SYNPR: variants seen among roughly 807,000 people sequenced by gnomAD.
SYNPR encodes the protein synaptoporin.
A neutral mutation model predicts 32.9 loss-of-function variants in SYNPR; 23 were observed. The ratio of observed to expected loss-of-function variants is 0.70; its 90% CI spans 0.50 to 0.99. The LOEUF is 0.99. Ranked by LOEUF, SYNPR falls within the 50% of genes least tolerant of loss-of-function variation. SYNPR has a pLI of 0.00. For missense variants in SYNPR, 318 were observed against 349.3 expected (o/e 0.91, Z 0.71); for synonymous variants, 146 against 135.9 (o/e 1.07, Z -0.52).
chr3:63,493,019 A>G (rs998535267), intron 3 of SYNPR, among the ~76,000 whole-genome samples: 9 of 152,232 alleles, frequency 5.9e-5, no homozygotes, highest in Admixed American at 5.9e-4. Flanking sequence ...TGCCTGCACC[A>G]TGGTCCCATT....
the SYNPR span, among the ~76,000 whole-genome samples, chr3:63,214,064 G>T: frequency 4.1e-5 from 2 of 48,466 alleles, 1 homozygote; most frequent in African/African-American, 1.3e-4. Flanking sequence ...AAGCCCACTT[G>T]ATCATGGTGG....
chr3:63,383,536 G>A (rs956029336), intron 2 of SYNPR, among the ~76,000 whole-genome samples: 4 of 152,240 alleles, frequency 2.6e-5, no homozygotes, highest in East Asian at 1.9e-4. Context: ...GGGCAACACA[G>A]TGAAACCCCA....
intron 2 of SYNPR, among the ~76,000 whole-genome samples, chr3:63,428,101 G>A (rs970577009): frequency 1.6e-4 from 25 of 152,118 alleles, no homozygotes; most frequent in African/African-American, 2.9e-4. Context: ...GAATTGCAGC[G>A]TTGTTTACAT....
chr3:63,441,882 C>A (rs1449110130), intron 2 of SYNPR, among the ~76,000 whole-genome samples: 1 of 152,130 alleles, frequency 6.6e-6, no homozygotes, highest in Non-Finnish European at 1.5e-5. Flanking sequence ...CACTGCCTTG[C>A]CCGTTGTTCA....
At chr3:63,515,228 A>G (rs923667464) in intron 3 of SYNPR, among the ~76,000 whole-genome samples, 2 of 151,972 alleles carry the variant, frequency 1.3e-5, no homozygotes, top group Non-Finnish European at 1.5e-5. Context: ...GATATATCAG[A>G]CTTTGCCCTA....
intron 2 of SYNPR, among the ~76,000 whole-genome samples, chr3:63,408,146 G>GAAAGAAAGAAAGA (rs1239269936): frequency 0.013 from 435 of 32,536 alleles, 52 homozygotes; most frequent in Non-Finnish European, 0.019. Context: ...AGAAAGAAAA[G>GAAAGAAAGAAAGA]AAAGAAAGAA....
chr3:63,549,535 G>A (rs1364506623), intron 3 of SYNPR, among the ~76,000 whole-genome samples: 2 of 152,130 alleles, frequency 1.3e-5, no homozygotes, highest in Admixed American at 6.6e-5. Context: ...AATGGTAACA[G>A]CAATCGTACC....
rs376967802 is a variant in SYNPR, at chr3:63,480,931, G to T, written c.184G>T (p.Asp62Tyr). ...VNKTESNLSI[D>Y]IAFAYPFRLH... is the part of the protein sequence containing the mutation. ...CAAGACAGAAAGTAACCTCAGCATC[G>T]ACATAGCGTTTGCCTACCCATTCAG... The change falls in exon 3 of 6, where the codon GAC (aspartate) becomes TAC (tyrosine). Residue 62 changes from aspartate to tyrosine, a missense_variant. Physicochemically the swap from Asp to Tyr is radical, Grantham distance 160 (BLOSUM62 -3). Coordinates refer to ENST00000478300, the MANE Select transcript of SYNPR (RefSeq NM_001130003.2). The T allele has an allele frequency of 1.2e-6, 2 of 1,612,898 alleles. No individual in the cohort carries two copies. Among genetic ancestry groups the T allele is most frequent in the South Asian group, 1.1e-5 (1 of 90,890 alleles).
At chr3:63,528,818 T>C (rs546156008) in intron 3 of SYNPR, among the ~76,000 whole-genome samples, 2 of 152,280 alleles carry the variant, frequency 1.3e-5, no homozygotes, top group African/African-American at 4.8e-5. Flanking sequence ...TGCCCAGAGT[T>C]TGGTGCAATT....
At chr3:63,250,515 C>A (rs907676477) in intron 1 of SYNPR, among the ~76,000 whole-genome samples, 2 of 152,074 alleles carry the variant, frequency 1.3e-5, no homozygotes, top group African/African-American at 4.8e-5. Context: ...GGAGAGAGCT[C>A]TTACGAGTCC....
chr3:63,536,408 C>T (rs1391026315), intron 3 of SYNPR, among the ~76,000 whole-genome samples: 1 of 152,136 alleles, frequency 6.6e-6, no homozygotes, highest in Non-Finnish European at 1.5e-5. Context: ...ATCAAAACTA[C>T]ACTATTTCAG....
At chr3:63,334,956 C>A (rs2087269882) in intron 2 of SYNPR, among the ~76,000 whole-genome samples, 1 of 152,154 alleles carries the variant, frequency 6.6e-6, no homozygotes, top group Non-Finnish European at 1.5e-5. Flanking sequence ...ATGCACCCTG[C>A]ACTGTGTGGT....
In SYNPR at chr3:63,531,340, T is replaced by A. The variant is rs185151775; in HGVS notation, c.210-25203T>A. Among the ~76,000 whole-genome samples, 280 of 151,482 alleles carry A rather than the reference T, an allele frequency of 1.8e-3. 1 individual carries two copies. The highest frequency in any genetic ancestry group is 3.6e-3 in the Admixed American group (55 of 15,212). The stretch of plus-strand genomic sequence containing the variant: ...GCTCCCTCTAAAACTTATAGGGGAG[T>A]CATTCCTTGCTTCTTCCTGGTTTTG... On this transcript the variant is annotated intron_variant, in intron 3 of 5. Coordinates refer to ENST00000478300, the MANE Select transcript of SYNPR (RefSeq NM_001130003.2).
intron 5 of SYNPR, among the ~76,000 whole-genome samples, chr3:63,613,449 AAAGT>A (rs1372660818): frequency 2.6e-5 from 4 of 151,890 alleles, no homozygotes; most frequent in Non-Finnish European, 5.9e-5. Context: ...ATTAGTGTAA[AAAGT>A]AAGGAAAGAG....
intron 2 of SYNPR, among the ~76,000 whole-genome samples, chr3:63,314,265 G>A (rs551492740): frequency 4.0e-5 from 6 of 150,808 alleles, no homozygotes; most frequent in African/African-American, 1.5e-4. Flanking sequence ...GGACCAAATG[G>A]TAGTTCAGTT....
intron 3 of SYNPR, among the ~76,000 whole-genome samples, chr3:63,531,528 A>G (rs565714164): frequency 7.9e-5 from 12 of 152,332 alleles, no homozygotes; most frequent in African/African-American, 2.9e-4. Flanking sequence ...CTACTCGAGT[A>G]TAACCTCATC....
At chr3:63,552,111 T>C (rs1335557542) in intron 3 of SYNPR, among the ~76,000 whole-genome samples, 2 of 152,066 alleles carry the variant, frequency 1.3e-5, no homozygotes, top group Non-Finnish European at 2.9e-5. Flanking sequence ...TTGGTCAGGC[T>C]GGTCTCGAAC....
At chr3:63,492,391 T>C (rs1559515559) in intron 3 of SYNPR, among the ~76,000 whole-genome samples, 1 of 152,180 alleles carries the variant, frequency 6.6e-6, no homozygotes, top group Non-Finnish European at 1.5e-5. Context: ...AGAGGAACAG[T>C]AGAACTTGAC....
At chr3:63,372,634 T>G (rs1351335847) in intron 2 of SYNPR, among the ~76,000 whole-genome samples, 1 of 152,136 alleles carries the variant, frequency 6.6e-6, no homozygotes, top group Non-Finnish European at 1.5e-5. Context: ...CACTGATTAA[T>G]AGCAGCTCTG....
Sources: gnomAD v4.1 joint callset for allele counts (sites outside exome capture counted in the v4.1 genomes callset) on GRCh38, gnomAD v4.1.1 for gene constraint, MANE v1.5 for transcripts, NCBI Gene and HGNC (gene_info 2026-07-23, HGNC 2026-07-21) for gene names.